The following PLEKHM1 variants were observed in gnomAD, a reference collection of about 807,000 sequenced individuals.
The protein encoded by PLEKHM1 is pleckstrin homology domain-containing family M member 1.
Under a neutral mutation model 94.3 loss-of-function variants are expected in PLEKHM1, and 28 were observed. That is an observed-to-expected ratio of 0.30 (90% CI 0.22 to 0.41). The LOEUF is 0.41. Ranked by LOEUF, PLEKHM1 falls within the 10% of genes least tolerant of loss-of-function variation. The pLI, the probability that PLEKHM1 is intolerant of heterozygous loss-of-function variation, is 1.00. For missense variants in PLEKHM1, 907 were observed against 1,358.6 expected (o/e 0.67, Z 5.22); for synonymous variants, 424 against 581.2 (o/e 0.73, Z 3.89).
rs1288074554 is a variant in PLEKHM1, at chr17:45,437,716, G to A, written c.*142C>T. On this transcript the variant is annotated 3_prime_UTR_variant, in exon 12 of 12. Transcript: ENST00000430334. The surrounding 1 kb of genome is among the most constrained non-coding windows in gnomAD (Gnocchi z 4.0). ...TTCCTGGGCTTTCTCTGGGAGGCCG[G>A]TGCTCTGGCCACATCTGAGGGTCTT... is the stretch of plus-strand genomic sequence containing the variant. The A allele has an allele frequency of 2.7e-6, 2 of 742,500 alleles. No homozygotes were observed. The highest frequency in any genetic ancestry group is 4.8e-6 in the Non-Finnish European group (2 of 417,484). 46.0% of individuals were successfully genotyped at this position (742,500 alleles called of 1,614,324 possible).
At chr17:45,440,733 G>A in intron 9 of PLEKHM1, 1 of 209,182 alleles carries the variant, frequency 4.8e-6, no homozygotes, top group East Asian at 1.2e-4. Context: ...AGGTGGGAGA[G>A]CTGGAGTTTG....
chr17:45,482,232 A>C (rs2051975848), intron 2 of PLEKHM1, among the ~76,000 whole-genome samples: 1 of 149,028 alleles, frequency 6.7e-6, no homozygotes, highest in Non-Finnish European at 1.5e-5. Flanking sequence ...CTGATCTTAA[A>C]TTCCCACTGC....
chr17:45,470,936 G>T (rs1203378057), intron 4 of PLEKHM1, among the ~76,000 whole-genome samples: 1 of 152,000 alleles, frequency 6.6e-6, no homozygotes, highest in Non-Finnish European at 1.5e-5. Flanking sequence ...AAAGTGATGG[G>T]ATTACAGGAG....
chr17:45,439,778 CG>C, intron 10 of PLEKHM1, 144 bp from the exon 11 acceptor site: 2 of 1,107,416 alleles, frequency 1.8e-6, no homozygotes, highest in Non-Finnish European at 2.7e-6. Context: ...CGTTTCCACA[CG>C]GGCAAGAAAA....
chr17:45,437,661 G>T lies in PLEKHM1; in HGVS notation c.*197C>A, dbSNP rs529881326. The T allele has an allele frequency of 5.4e-5, 37 of 682,276 alleles. No individual in the cohort carries two copies. Among genetic ancestry groups the T allele is most frequent in the East Asian group, 2.5e-4 (9 of 35,854 alleles). 42.3% of individuals were successfully genotyped at this position (682,276 alleles called of 1,614,324 possible). On this transcript the variant is annotated 3_prime_UTR_variant, in exon 12 of 12. Coordinates refer to ENST00000430334, the MANE Select transcript of PLEKHM1 (RefSeq NM_014798.3). This position sits in a 1 kb window ranked among gnomAD's most constrained non-coding sequence, Gnocchi z 4.0. Reference sequence around the variant, plus strand: ...GCCACGCCTCCTGCAGCAGAGGGGTGGGGGGAGGGCCAGGGGACACCACGG... The same window carrying T: ...GCCACGCCTCCTGCAGCAGAGGGGTTGGGGGAGGGCCAGGGGACACCACGG...
At chr17:45,459,982 G>A (rs2145246925) in intron 5 of PLEKHM1, 1 of 151,302 alleles carries the variant, frequency 6.6e-6, no homozygotes, top group East Asian at 1.9e-4. Context: ...GGTCATGTTG[G>A]AGTAGAATGG....
At chr17:45,480,596 A>T (rs2051922120) in intron 2 of PLEKHM1, among the ~76,000 whole-genome samples, 1 of 152,276 alleles carries the variant, frequency 6.6e-6, no homozygotes, top group African/African-American at 2.4e-5. Context: ...AAAGGGGAAT[A>T]CGAAGTGAAT....
intron 1 of PLEKHM1, among the ~76,000 whole-genome samples, chr17:45,486,232 AAAT>A (rs2052118633): frequency 6.9e-6 from 1 of 145,188 alleles, no homozygotes; most frequent in Non-Finnish European, 1.5e-5. Context: ...AAAAAAGATA[AAAT>A]AAAAAAATAA....
At chr17:45,457,839 G>A (rs543140268) in intron 6 of PLEKHM1, among the ~76,000 whole-genome samples, 2 of 152,338 alleles carry the variant, frequency 1.3e-5, no homozygotes, top group East Asian at 3.9e-4. Flanking sequence ...AACACCTGGG[G>A]CTTCATGGGG....
At chr17:45,438,626 G>A (rs1399800189) in intron 11 of PLEKHM1, among the ~76,000 whole-genome samples, 3 of 151,640 alleles carry the variant, frequency 2.0e-5, no homozygotes, top group African/African-American at 4.8e-5. Context: ...GCACGATCTC[G>A]GCTCACTGCA....
In PLEKHM1 at chr17:45,487,658, T is replaced by C. The variant is rs987857902; in HGVS notation, c.-42+2994A>G. 6.1e-5 allele frequency: 28 copies of C among 455,714 alleles called. No individual in the cohort carries two copies. The East Asian group carries it at 8.3e-4, about 14-fold the overall frequency. 28.2% of individuals were successfully genotyped at this position (455,714 alleles called of 1,614,324 possible). A position where few individuals can be genotyped will look rare whatever the true frequency, so the allele number is the denominator to read the frequency against. ...CTGCATTATACTGCCTGGCCTTCTC[T>C]ATATGTCCAATTTCACTTCCTCCAG... On this transcript the variant is annotated intron_variant, in intron 1 of 11. Coordinates refer to ENST00000430334, the MANE Select transcript of PLEKHM1 (RefSeq NM_014798.3).
At chr17:45,463,085 C>CAAAA (rs1290103977) in intron 5 of PLEKHM1, among the ~76,000 whole-genome samples, 12 of 95,662 alleles carry the variant, frequency 1.3e-4, no homozygotes, top group African/African-American at 4.4e-4. Context: ...GAGTCTGTGT[C>CAAAA]AAAAAAAAAA....
chr17:45,458,512 C>T (rs1031949978), intron 5 of PLEKHM1, 73 bp from the exon 6 acceptor site: 17 of 1,483,420 alleles, frequency 1.1e-5, no homozygotes, highest in Non-Finnish European at 1.5e-5. Flanking sequence ...GCTCTGTTGC[C>T]CAGGCTGGAG....
chr17:45,478,258 A>G (rs374123974), intron 2 of PLEKHM1, 111 bp from the exon 3 acceptor site: 2 of 1,244,884 alleles, frequency 1.6e-6, no homozygotes. Context: ...ATGCACACAC[A>G]TCTATGTGTG....
At chr17:45,472,521 A>C (rs1267374191) in intron 4 of PLEKHM1, among the ~76,000 whole-genome samples, 2 of 152,146 alleles carry the variant, frequency 1.3e-5, no homozygotes, top group Non-Finnish European at 2.9e-5. Flanking sequence ...GACACACAGG[A>C]AGGGCTAAGA....
In PLEKHM1 at chr17:45,445,011, C is replaced by T. The variant is rs1289191833; in HGVS notation, c.2837+459G>A. Among the ~76,000 whole-genome samples, 1 of 152,208 alleles carries T rather than the reference C, an allele frequency of 6.6e-6. No homozygotes were observed. Among genetic ancestry groups the T allele is most frequent in the East Asian group, 1.9e-4 (1 of 5,194 alleles). On this transcript the variant is annotated intron_variant, in intron 9 of 11. Coordinates refer to ENST00000430334, the MANE Select transcript of PLEKHM1 (RefSeq NM_014798.3). This position sits in a 1 kb window ranked among gnomAD's most constrained non-coding sequence, Gnocchi z 4.2. ...TGGCTTTCCTACTTGTCTTCCCTGC[C>T]AGGCCAGAGACTTCCGGCGGGTCGG...
At chr17:45,480,353 G>A (rs893554694) in intron 2 of PLEKHM1, among the ~76,000 whole-genome samples, 1 of 152,110 alleles carries the variant, frequency 6.6e-6, no homozygotes, top group Admixed American at 6.5e-5. Flanking sequence ...GCATGGTGGT[G>A]CACACCCATA....
chr17:45,439,984 T>A, intron 10 of PLEKHM1, 179 bp downstream of exon 10: 1 of 668,588 alleles, frequency 1.5e-6, no homozygotes, highest in Non-Finnish European at 2.7e-6. Flanking sequence ...GTGCTGGGGG[T>A]ATCCGTCCCT....
rs1318554720 is a variant in PLEKHM1 at position 45,436,405 on chromosome 17, C to T, written c.*1453G>A. 1 of 453,894 alleles carries T rather than the reference C, an allele frequency of 2.2e-6. No homozygotes were observed. The highest frequency in any genetic ancestry group is 4.4e-6 in the Non-Finnish European group (1 of 226,552). The allele number at this position is 453,894 out of a possible 1,614,324, so 28.1% of individuals were successfully genotyped here. ...CCACCGTTGCCTCTGTTCTGCTGCA[C>T]AGGCATCCAGCTCCAAGGCTGGGTG... On this transcript the variant is annotated 3_prime_UTR_variant, in exon 12 of 12. Transcript: ENST00000430334.
Sources: gnomAD v4.1 joint callset for allele counts (sites outside exome capture counted in the v4.1 genomes callset) on GRCh38, gnomAD v4.1.1 for gene constraint, Gnocchi (gnomAD v3.1) non-coding constraint, MANE v1.5 for transcripts, NCBI Gene and HGNC (gene_info 2026-07-23, HGNC 2026-07-21) for gene names.